The following SNTG2 variants were observed in gnomAD, a reference collection of about 807,000 sequenced individuals.
SNTG2 encodes the protein syntrophin gamma 2.
A neutral mutation model predicts 70.9 loss-of-function variants in SNTG2; 74 were observed. The observed-to-expected ratio is 1.04, with a 90% CI of 0.86 to 1.27. The LOEUF (loss-of-function observed/expected upper bound fraction) is 1.27, where lower values mean the gene tolerates loss of function less well. Among genes scored for constraint, SNTG2 ranks in the 50% most tolerant of loss-of-function variants. The pLI is 0.00. For synonymous variants in SNTG2, 278 were observed against 273.8 expected (o/e 1.02, Z -0.15); for missense variants, 717 against 690.7 (o/e 1.04, Z -0.43).
At chr2:1,085,136 C>T (rs1664599120) in intron 2 of SNTG2, among the ~76,000 whole-genome samples, 1 of 152,146 alleles carries the variant, frequency 6.6e-6, no homozygotes, top group South Asian at 2.1e-4. Context: ...AATCACTAAC[C>T]ATTATTTTTT....
chr2:1,101,850 A>AAGCTCTCC (rs1194909944), intron 4 of SNTG2, among the ~76,000 whole-genome samples: 2 of 152,196 alleles, frequency 1.3e-5, no homozygotes, highest in African/African-American at 4.8e-5. Context: ...ACAGGTGGGA[A>AAGCTCTCC]AGCTCTCCAG....
At chr2:993,051 A>G (rs575763941) in intron 1 of SNTG2, among the ~76,000 whole-genome samples, 149 of 145,176 alleles carry the variant, frequency 1.0e-3, no homozygotes, top group African/African-American at 3.6e-3. Flanking sequence ...TTGGTCATAC[A>G]GTTGGTCTTT....
chr2:1,004,915 TCA>T (rs1659519824), intron 1 of SNTG2, among the ~76,000 whole-genome samples: 1 of 152,152 alleles, frequency 6.6e-6, no homozygotes, highest in South Asian at 2.1e-4. Flanking sequence ...TGTATAATTG[TCA>T]AAAACTGGAA....
chr2:1,152,487 A>G (rs977364603), intron 6 of SNTG2, among the ~76,000 whole-genome samples: 1 of 152,170 alleles, frequency 6.6e-6, no homozygotes, highest in Non-Finnish European at 1.5e-5. Context: ...CTGCATGTGC[A>G]TGGATGCGTA....
At chr2:1,208,141 G>A (rs1019690972) in intron 8 of SNTG2, among the ~76,000 whole-genome samples, 4 of 152,214 alleles carry the variant, frequency 2.6e-5, no homozygotes, top group African/African-American at 9.6e-5. Context: ...GGAGCTCAGG[G>A]CTGGTGCTTC....
At chr2:1,038,896 C>G (rs764252263) in intron 1 of SNTG2, among the ~76,000 whole-genome samples, 3 of 152,218 alleles carry the variant, frequency 2.0e-5, no homozygotes, top group Non-Finnish European at 4.4e-5. Flanking sequence ...TCATCCTTTT[C>G]CACCTGCAGT....
At chr2:1,040,540 C>T (rs1250590387) in intron 1 of SNTG2, among the ~76,000 whole-genome samples, 1 of 152,208 alleles carries the variant, frequency 6.6e-6, no homozygotes, top group African/African-American at 2.4e-5. Context: ...GTTCAGGGGT[C>T]TTTCTGGTTG....
chr2:1,296,510 T>C (rs567832198), intron 14 of SNTG2, among the ~76,000 whole-genome samples: 13 of 152,332 alleles, frequency 8.5e-5, no homozygotes, highest in African/African-American at 3.1e-4. Context: ...TCTACCCGTG[T>C]ATTAGTAAAA....
At chr2:1,086,251 C>G (rs1025220480) in intron 2 of SNTG2, among the ~76,000 whole-genome samples, 7 of 152,196 alleles carry the variant, frequency 4.6e-5, no homozygotes, top group Non-Finnish European at 2.9e-5. Context: ...GGTGATTTAA[C>G]CTGTGCATCA....
intron 16 of SNTG2, among the ~76,000 whole-genome samples, chr2:1,334,357 A>G (rs1214409720): frequency 2.0e-5 from 3 of 152,254 alleles, no homozygotes; most frequent in Admixed American, 2.0e-4. Flanking sequence ...AATGTAAACT[A>G]GCACAACCAC....
At chr2:1,004,754 G>T (rs529198066) in intron 1 of SNTG2, among the ~76,000 whole-genome samples, 2 of 152,200 alleles carry the variant, frequency 1.3e-5, no homozygotes, top group Non-Finnish European at 2.9e-5. Flanking sequence ...CAGTTTGGTG[G>T]TTTCTTACTT....
At chr2:994,528 A>C (rs1185247278) in intron 1 of SNTG2, among the ~76,000 whole-genome samples, 2 of 152,136 alleles carry the variant, frequency 1.3e-5, no homozygotes, top group Non-Finnish European at 2.9e-5. Flanking sequence ...TTCCTGGAAC[A>C]TCCATAAAAT....
rs536866874 is a variant in SNTG2 at position 1,137,871 on chromosome 2, C to G, written c.411+62C>G. ...ATTCTTGTATTTGAATTATTTGTCT[C>G]TATAGTTGATATTTCACTGAGTCTA... On this transcript the variant is annotated intron_variant, in intron 6 of 16. Coordinates refer to ENST00000308624, the MANE Select transcript of SNTG2 (RefSeq NM_018968.4). The G allele has an allele frequency of 6.9e-6, 10 of 1,449,224 alleles. No individual in the cohort carries two copies. The South Asian group carries it at 1.0e-4, about 15-fold the overall frequency. The allele number at this position is 1,449,224 out of a possible 1,614,324, so 89.8% of individuals were successfully genotyped here.
intron 6 of SNTG2, among the ~76,000 whole-genome samples, chr2:1,155,099 TACAC>T (rs1669782295): frequency 7.3e-6 from 1 of 137,810 alleles, no homozygotes; most frequent in Admixed American, 7.3e-5. Flanking sequence ...ACATTAAACA[TACAC>T]ACATAACACC....
intron 16 of SNTG2, among the ~76,000 whole-genome samples, chr2:1,348,062 C>T (rs1290200259): frequency 6.6e-6 from 1 of 151,960 alleles, no homozygotes; most frequent in Non-Finnish European, 1.5e-5. Flanking sequence ...TTGCAACTCT[C>T]AAGCTTGGCT....
At chr2:1,355,682 A>G (rs866510859) in intron 16 of SNTG2, among the ~76,000 whole-genome samples, 44 of 151,958 alleles carry the variant, frequency 2.9e-4, no homozygotes, top group African/African-American at 1.0e-3. Flanking sequence ...TACTGATTCC[A>G]TTTTCCTCGG....
intron 9 of SNTG2, among the ~76,000 whole-genome samples, chr2:1,217,845 A>T (rs1248884337): frequency 6.6e-6 from 1 of 152,136 alleles, no homozygotes; most frequent in Non-Finnish European, 1.5e-5. Flanking sequence ...TTGCCATGTA[A>T]CAAACCTGTG....
chr2:1,286,238 G>A (rs1679761247), intron 14 of SNTG2, among the ~76,000 whole-genome samples: 1 of 152,156 alleles, frequency 6.6e-6, no homozygotes, highest in Non-Finnish European at 1.5e-5. Context: ...GATAGTGAGT[G>A]GTGCCACTTC....
chr2:1,298,666 C>T (rs532280376), intron 14 of SNTG2, among the ~76,000 whole-genome samples: 10 of 152,096 alleles, frequency 6.6e-5, no homozygotes, highest in South Asian at 2.1e-4. Flanking sequence ...TACCATCCTG[C>T]GCCACTCCAG....
Sources: allele counts gnomAD v4.1 joint callset (sites outside exome capture counted in the v4.1 genomes callset), GRCh38; gene constraint gnomAD v4.1.1; transcripts MANE v1.5; gene names NCBI Gene and HGNC (gene_info 2026-07-23, HGNC 2026-07-21).